Variants in KAZN observed in about 807,000 individuals in gnomAD.
KAZN encodes the protein kazrin, periplakin interacting protein.
Under a neutral mutation model 87.4 loss-of-function variants are expected in KAZN, and 40 were observed. The ratio of observed to expected loss-of-function variants is 0.46; its 90% CI spans 0.36 to 0.60. KAZN has a LOEUF of 0.60. Ranked by LOEUF, KAZN falls within the 20% of genes least tolerant of loss-of-function variation. KAZN has a pLI of 0.00. For synonymous variants in KAZN, 466 were observed against 458.3 expected, an observed-to-expected ratio of 1.02 and a Z score of -0.22; for missense variants, 898 against 1,073.9, an observed-to-expected ratio of 0.84 and a Z score of 2.29.
At position 14,814,467 on chromosome 1, in the gene KAZN, G is replaced by C. The variant is rs6666260; in HGVS notation, c.227-146217G>C. Reference sequence around the variant, plus strand: ...CTGAGCTCGTGATCCACCCACCTCAGCCTCCCAAAGTGCTGGGATTGCAGG... The same window carrying C: ...CTGAGCTCGTGATCCACCCACCTCACCCTCCCAAAGTGCTGGGATTGCAGG... On this transcript the variant is annotated intron_variant, in intron 1 of 14. Transcript: ENST00000376030. Among the ~76,000 whole-genome samples the C allele has an allele frequency of 1.9e-3, 286 of 152,346 alleles. 1 individual carries two copies. The highest frequency in any genetic ancestry group is 6.6e-3 in the African/African-American group (274 of 41,586).
intron 1 of KAZN, among the ~76,000 whole-genome samples, chr1:14,148,550 T>G (rs1353334498): frequency 2.0e-5 from 3 of 152,248 alleles, no homozygotes; most frequent in Non-Finnish European, 4.4e-5. Context: ...GTCTGGAATC[T>G]TTATTTTGTT....
At chr1:14,274,144 A>T (rs1447882089) in intron 2 of KAZN, among the ~76,000 whole-genome samples, 1 of 152,188 alleles carries the variant, frequency 6.6e-6, no homozygotes, top group Non-Finnish European at 1.5e-5. Context: ...ATGGGTTGTG[A>T]GCTACAAACG....
At chr1:14,387,791 G>A (rs1488898997) in intron 2 of KAZN, among the ~76,000 whole-genome samples, 5 of 152,066 alleles carry the variant, frequency 3.3e-5, no homozygotes, top group Admixed American at 2.0e-4. Flanking sequence ...TGCCCCCAGA[G>A]GTGGAGCCTA....
chr1:15,082,211 AG>A (rs2100635473), intron 8 of KAZN, among the ~76,000 whole-genome samples: 1 of 152,270 alleles, frequency 6.6e-6, no homozygotes, highest in Non-Finnish European at 1.5e-5. Flanking sequence ...CAACAGGCCC[AG>A]CCAGGTGCAG....
intron 2 of KAZN, among the ~76,000 whole-genome samples, chr1:14,397,276 C>T (rs1662977200): frequency 6.6e-6 from 1 of 152,058 alleles, no homozygotes; most frequent in African/African-American, 2.4e-5. Flanking sequence ...GTTTTGGAGA[C>T]TGGAAGTCCA....
chr1:14,512,789 C>T (rs1212775561), intron 2 of KAZN, among the ~76,000 whole-genome samples: 1 of 152,192 alleles, frequency 6.6e-6, no homozygotes, highest in Non-Finnish European at 1.5e-5. Context: ...AGCAGATTTT[C>T]TCATTCCTAT....
intron 1 of KAZN, among the ~76,000 whole-genome samples, chr1:14,816,629 A>G (rs1359777379): frequency 6.6e-6 from 1 of 152,234 alleles, no homozygotes; most frequent in African/African-American, 2.4e-5. Flanking sequence ...AGACAGACAT[A>G]TTAATAGATA....
At chr1:14,414,195 G>A (rs376711074) in intron 2 of KAZN, among the ~76,000 whole-genome samples, 57 of 152,212 alleles carry the variant, frequency 3.7e-4, no homozygotes, top group African/African-American at 1.1e-3. Context: ...AATTTACAGC[G>A]GAATTTGGCA....
At chr1:15,011,210 C>T (rs1669541229) in intron 2 of KAZN, among the ~76,000 whole-genome samples, 1 of 152,228 alleles carries the variant, frequency 6.6e-6, no homozygotes, top group Admixed American at 6.5e-5. Context: ...GGGACCTACC[C>T]TGCTTATGTA....
At chr1:14,868,583 G>A (rs189390562) in intron 1 of KAZN, among the ~76,000 whole-genome samples, 30 of 151,968 alleles carry the variant, frequency 2.0e-4, no homozygotes, top group African/African-American at 6.5e-4. Flanking sequence ...GTGAACTGGA[G>A]TCTTGTAGAC....
intron 1 of KAZN, among the ~76,000 whole-genome samples, chr1:14,109,816 T>TGGAGTCTCACTCTGTCGCCCAGGCTGGAG (rs1291749271): frequency 7.3e-5 from 11 of 150,484 alleles, no homozygotes; most frequent in Admixed American, 1.3e-4. Context: ...ATCAAAACGA[T>TGGAGTCTCACTCTGTCGCCCAGGCTGGAG]TTCAGCGTCA....
At chr1:14,746,387 A>T (rs1341042785) in intron 1 of KAZN, among the ~76,000 whole-genome samples, 1 of 152,130 alleles carries the variant, frequency 6.6e-6, no homozygotes, top group East Asian at 1.9e-4. Flanking sequence ...TTTTGGAAGG[A>T]TTAAAAGTGC....
intron 1 of KAZN, among the ~76,000 whole-genome samples, chr1:13,951,242 G>C (rs553103216): frequency 6.6e-5 from 10 of 152,300 alleles, no homozygotes; most frequent in African/African-American, 2.2e-4. Flanking sequence ...GCATAGTGTG[G>C]TAAGGGACAT....
At chr1:14,717,254 T>C (rs1478797806) in intron 1 of KAZN, among the ~76,000 whole-genome samples, 3 of 151,856 alleles carry the variant, frequency 2.0e-5, no homozygotes, top group Admixed American at 6.6e-5. Context: ...TCAACAACCA[T>C]GTACCCTGGC....
chr1:14,139,082 G>A (rs1293361932), intron 1 of KAZN, among the ~76,000 whole-genome samples: 1 of 152,134 alleles, frequency 6.6e-6, no homozygotes, highest in South Asian at 2.1e-4. Flanking sequence ...GAGCACATTC[G>A]AGAAGGCTGT....
chr1:14,685,630 A>G (rs1221316178), intron 1 of KAZN, among the ~76,000 whole-genome samples: 1 of 152,238 alleles, frequency 6.6e-6, no homozygotes, highest in Non-Finnish European at 1.5e-5. Flanking sequence ...GTTAGTTTCA[A>G]GCCTGTGTAT....
At chr1:14,704,183 C>T (rs376369180) in intron 1 of KAZN, among the ~76,000 whole-genome samples, 1 of 152,204 alleles carries the variant, frequency 6.6e-6, no homozygotes, top group Admixed American at 6.5e-5. Flanking sequence ...TACCAACAGA[C>T]GGTCCTCTCT....
chr1:14,125,378 A>G (rs1201018167), intron 1 of KAZN, among the ~76,000 whole-genome samples: 1 of 152,224 alleles, frequency 6.6e-6, no homozygotes, highest in Non-Finnish European at 1.5e-5. Context: ...AGGAACTGTG[A>G]TGGTGACCTT....
intron 1 of KAZN, among the ~76,000 whole-genome samples, chr1:14,850,059 C>G (rs985069887): frequency 1.3e-5 from 2 of 151,806 alleles, no homozygotes; most frequent in African/African-American, 4.8e-5. Context: ...CCTCAGCCTC[C>G]TGAGTAGCTG....
Sources: allele counts gnomAD v4.1 joint callset (sites outside exome capture counted in the v4.1 genomes callset), GRCh38; gene constraint gnomAD v4.1.1; transcripts MANE v1.5; gene names NCBI Gene and HGNC (gene_info 2026-07-23, HGNC 2026-07-21).